LIPE: variants seen among roughly 807,000 people sequenced by gnomAD.
The protein encoded by LIPE is lipase E, hormone sensitive type.
A neutral mutation model predicts 88.5 loss-of-function variants in LIPE; 66 were observed. That is an observed-to-expected ratio of 0.75 (90% CI 0.61 to 0.91). The LOEUF is 0.91. Among genes scored for constraint, LIPE ranks in the 40% least tolerant of loss-of-function variants. LIPE has a pLI of 0.00. For missense variants in LIPE, 1,346 were observed against 1,434.7 expected (o/e 0.94, Z 1.00); for synonymous variants, 570 against 617.5 (o/e 0.92, Z 1.14).
In LIPE at chr19:42,404,293, G is replaced by A. The variant is rs112489788; in HGVS notation, c.2542+1092C>T. 4.4e-3 allele frequency among the ~76,000 whole-genome samples: 658 copies of A among 150,940 alleles called. 6 individuals are homozygous for A. Among genetic ancestry groups the A allele is most frequent in the African/African-American group, 0.015 (614 of 41,064 alleles). Reference sequence around the variant, plus strand: ...GTTACCCAGGCTTGAGTGCAGTGGCGTGATCTCGGCTCACTGCAACCTCGT... The same window carrying A: ...GTTACCCAGGCTTGAGTGCAGTGGCATGATCTCGGCTCACTGCAACCTCGT... On this transcript the variant is annotated intron_variant, in intron 8 of 9. Transcript: ENST00000244289.
chr19:42,416,508 T>G (rs2040490768), intron 1 of LIPE, among the ~76,000 whole-genome samples: 1 of 152,224 alleles, frequency 6.6e-6, no homozygotes. Flanking sequence ...ATCCAGGACT[T>G]TCCTAGCTGG....
intron 1 of LIPE, chr19:42,424,346 A>C (rs1391376423): frequency 2.2e-6 from 1 of 456,998 alleles, no homozygotes; most frequent in South Asian, 1.5e-5. Flanking sequence ...GCTCACACGC[A>C]CACAGCCAAC....
In LIPE at chr19:42,410,468, T is replaced by G. The variant is rs1001079272; in HGVS notation, c.1258A>C (p.Thr420Pro). Residue 420 changes from threonine to proline, a missense_variant, in exon 2 of 10, where the codon ACC (threonine) becomes CCC (proline). Physicochemically the swap from Thr to Pro is conservative, Grantham distance 38 (BLOSUM62 -1). Coordinates refer to ENST00000244289, the MANE Select transcript of LIPE (RefSeq NM_005357.4). This position sits in a 1 kb window ranked among gnomAD's most constrained non-coding sequence, Gnocchi z 6.1. Reference protein sequence around the residue: ...AELEAYLAALTQLRALVYYAQ... With the variant: ...AELEAYLAALPQLRALVYYAQ... ...TAGTAGACCAGAGCGCGGAGCTGGG[T>G]GAGGGCAGCCAGGTAGGCCTCCAGC... The G allele has an allele frequency of 1.4e-5, 23 of 1,613,828 alleles. No homozygotes were observed. The highest frequency in any genetic ancestry group is 1.9e-5 in the Non-Finnish European group (23 of 1,180,006).
intron 1 of LIPE, chr19:42,424,939 G>A (rs1055880149): frequency 1.6e-5 from 5 of 307,784 alleles, no homozygotes; most frequent in South Asian, 2.8e-5. Flanking sequence ...CCTTGGGCCC[G>A]TTATCCTCTG....
chr19:42,407,774 T>C lies in LIPE; in HGVS notation c.1674A>G (p.Ala558=). 2.6e-6 allele frequency: 4 copies of C among 1,547,846 alleles called. No homozygotes were observed. The highest frequency in any genetic ancestry group is 8.7e-7 in the Non-Finnish European group (1 of 1,146,398). Residue 558 remains alanine (A), a synonymous_variant, in exon 5 of 10, where the codon GCA becomes GCG. Coordinates refer to ENST00000244289, the MANE Select transcript of LIPE (RefSeq NM_005357.4). This position sits in a 1 kb window ranked among gnomAD's most constrained non-coding sequence, Gnocchi z 5.8. The stretch of plus-strand genomic sequence containing the variant: ...GGCGGCTTACCCTCACGGTGGCCGA[T>C]GCCATGTTGGCCAGAGACTGGAGGG... The part of the protein sequence containing the change: ...MEVLSSLANM[A]SATVRVSRLL...
Position 42,408,251 on chromosome 19 carries a change from T to A in LIPE, c.1491A>T (p.Lys497Asn), listed in dbSNP as rs35938529. ...ACTCACTGAGGCCTGTCTCGTTGCG[T>A]TTGTAGTGCTCCCCGAAGGACACCA... is the stretch of plus-strand genomic sequence containing the variant. ...IGLVSFGEHY[K>N]RNETGLSVAA... Residue 497 changes from lysine to asparagine, a missense_variant, in exon 3 of 10, where the codon AAA becomes AAT. By Grantham distance (94) the Lys-to-Asn change is moderately conservative. Transcript: ENST00000244289. This position sits in a 1 kb window ranked among gnomAD's most constrained non-coding sequence, Gnocchi z 4.3. The A allele has an allele frequency of 7.5e-4, 1,211 of 1,613,736 alleles. 12 individuals carry two copies. The African/African-American group carries it at 0.014, about 19-fold the overall frequency.
rs368153354 is a variant in LIPE, at chr19:42,414,377, G to A, written c.884-3535C>T. Among the ~76,000 whole-genome samples the A allele has an allele frequency of 2.4e-4, 36 of 152,380 alleles. No homozygotes were observed. Among genetic ancestry groups the A allele is most frequent in the Admixed American group, 1.4e-3 (22 of 15,310 alleles). On this transcript the variant is annotated intron_variant, in intron 1 of 9. Transcript: ENST00000244289. This position sits in a 1 kb window ranked among gnomAD's most constrained non-coding sequence, Gnocchi z 4.6. ...AGCCCTTGCTGGCGACCCTGGATGA[G>A]TCTGTTTTCCTCATCTGGAAACTGC...
In LIPE at chr19:42,410,905, A is replaced by G. The variant is rs962495225; in HGVS notation, c.884-63T>C. ...ATCAAGCCTTGCTTAGCTGGGGCCCAGGAGTCTGGGCCATAGCTTACCCAC... is the reference window on the plus strand; with the variant it reads ...ATCAAGCCTTGCTTAGCTGGGGCCCGGGAGTCTGGGCCATAGCTTACCCAC... On this transcript the variant is annotated intron_variant, in intron 1 of 9. Transcript: ENST00000244289. The surrounding 1 kb of genome is among the most constrained non-coding windows in gnomAD (Gnocchi z 6.1). 1 of 1,466,976 alleles carries G rather than the reference A, an allele frequency of 6.8e-7. No individual in the cohort carries two copies. Among genetic ancestry groups the G allele is most frequent in the Non-Finnish European group, 9.1e-7 (1 of 1,098,816 alleles). 90.9% of individuals were successfully genotyped at this position (1,466,976 alleles called of 1,614,324 possible).
chr19:42,423,877 G>T (rs2040654629), intron 1 of LIPE: 1 of 1,131,730 alleles, frequency 8.8e-7, no homozygotes, highest in African/African-American at 1.6e-5. Flanking sequence ...CTTCCCACGT[G>T]CTGGGAAGCC....
In LIPE at chr19:42,401,945, C is replaced by A; in HGVS notation, c.3098G>T (p.Cys1033Phe). 1 of 1,556,784 alleles carries A rather than the reference C, an allele frequency of 6.4e-7. No homozygotes were observed. The highest frequency in any genetic ancestry group is 8.7e-7 in the Non-Finnish European group (1 of 1,155,324). ...PHGFLTLAAL[C>F]RETRQAAELC... ...CTCTGCGGCCTGGCGCGTCTCGCGG[C>A]ACAGCGCCGCTAGGGTCAGGAAGCC... Residue 1033 changes from cysteine (C) to phenylalanine (F), a missense_variant, in exon 10 of 10, where the codon TGC becomes TTC. Transcript: ENST00000244289.
intron 1 of LIPE, chr19:42,424,593 A>G (rs1294320767): frequency 4.4e-6 from 2 of 456,270 alleles, no homozygotes; most frequent in Admixed American, 2.3e-5. Flanking sequence ...GCGCTGAGAA[A>G]CGCGTTACTC....
intron 1 of LIPE, among the ~76,000 whole-genome samples, chr19:42,425,500 A>G (rs1415513165): frequency 6.6e-6 from 1 of 151,878 alleles, no homozygotes; most frequent in Non-Finnish European, 1.5e-5. Flanking sequence ...TTTCTACCTG[A>G]TGTCCTCATT....
At position 42,407,053 on chromosome 19, in the gene LIPE, A is replaced by C. The variant is rs2040206999; in HGVS notation, c.2137+121T>G. ...AAGATTGGGCAGGACCTGGGTGAGC[A>C]GGAGCTGGGAGGTGTGGGGGGAGAG... On this transcript the variant is annotated intron_variant, in intron 6 of 9. Transcript: ENST00000244289. The surrounding 1 kb of genome is among the most constrained non-coding windows in gnomAD (Gnocchi z 5.8). 1 of 857,870 alleles carries C rather than the reference A, an allele frequency of 1.2e-6. No homozygotes were observed. The highest frequency in any genetic ancestry group is 3.0e-5 in the Admixed American group (1 of 33,812). 53.1% of individuals were successfully genotyped at this position (857,870 alleles called of 1,614,324 possible).
At chr19:42,415,764 C>T (rs1014547311) in intron 1 of LIPE, among the ~76,000 whole-genome samples, 14 of 150,784 alleles carry the variant, frequency 9.3e-5, no homozygotes, top group Non-Finnish European at 1.5e-4. Flanking sequence ...GAGCCGAGAT[C>T]GCGCCACTGC....
chr19:42,401,877 C>T lies in LIPE; in HGVS notation c.3166G>A (p.Gly1056Arg). The T allele has an allele frequency of 1.3e-6, 2 of 1,534,624 alleles. No individual in the cohort carries two copies. The change falls in exon 10 of 10, where the codon GGA (glycine) becomes AGA (arginine). Residue 1056 changes from glycine (G) to arginine (R), a missense_variant. Physicochemically the swap from Gly to Arg is moderately radical, Grantham distance 125 (BLOSUM62 -2). Coordinates refer to ENST00000244289, the MANE Select transcript of LIPE (RefSeq NM_005357.4). The part of the protein sequence containing the change: ...RIRLVLTPPA[G>R]AGPSGETGAA... ...CCCGTCTCCCCGCTCGGCCCGGCTC[C>T]GGCGGGAGGAGTGAGGACGAGGCGG...
chr19:42,403,111 C>CA, intron 8 of LIPE, 80 bp from the exon 9 acceptor site: 1 of 1,392,066 alleles, frequency 7.2e-7, no homozygotes, highest in East Asian at 2.3e-5. Flanking sequence ...ATGGGAAGGG[C>CA]AGTCGCCTGT....
At chr19:42,423,763 G>A (rs574014331) in intron 1 of LIPE, 3 of 1,112,626 alleles carry the variant, frequency 2.7e-6, no homozygotes, top group South Asian at 2.0e-5. Flanking sequence ...GCATTAAAGG[G>A]CTCGCGGCCA....
At position 42,416,098 on chromosome 19, in the gene LIPE, T is replaced by C. The variant is rs182960953; in HGVS notation, c.884-5256A>G. 1.0e-3 allele frequency among the ~76,000 whole-genome samples: 156 copies of C among 152,086 alleles called. 1 individual carries two copies. Among genetic ancestry groups the C allele is most frequent in the Non-Finnish European group, 1.8e-3 (120 of 67,988 alleles). ...TGGCTCACGATTGTAATCCCAGCAC[T>C]TTGGGAGGCTGAGGCAGGTGGATCA... On this transcript the variant is annotated intron_variant, in intron 1 of 9. Coordinates refer to ENST00000244289, the MANE Select transcript of LIPE (RefSeq NM_005357.4).
rs1005942548 is a variant in LIPE, at chr19:42,414,300, GAAGGAAAGAAAGA to G, written c.884-3471_884-3459del. On this transcript the variant is annotated intron_variant, in intron 1 of 9. Coordinates refer to ENST00000244289, the MANE Select transcript of LIPE (RefSeq NM_005357.4). This position sits in a 1 kb window ranked among gnomAD's most constrained non-coding sequence, Gnocchi z 4.6. ...AAGAAAGGAAAGAAAGAAAGGAAAG[GAAGGAAAGAAAGA>G]AAGGAAAGAAGAAAAGAAAAGGAAA... Among the ~76,000 whole-genome samples the G allele has an allele frequency of 3.3e-5, 5 of 151,960 alleles. No homozygotes were observed. The highest frequency in any genetic ancestry group is 5.9e-5 in the Non-Finnish European group (4 of 67,992).
Sources: gnomAD v4.1 joint callset for allele counts (sites outside exome capture counted in the v4.1 genomes callset) on GRCh38, gnomAD v4.1.1 for gene constraint, Gnocchi (gnomAD v3.1) non-coding constraint, MANE v1.5 for transcripts, NCBI Gene and HGNC (gene_info 2026-07-23, HGNC 2026-07-21) for gene names.